TLCD3A: variants seen among roughly 807,000 people sequenced by gnomAD.
The protein encoded by TLCD3A is TLC domain containing 3A.
A neutral mutation model predicts 29.9 loss-of-function variants in TLCD3A; 17 were observed. The observed-to-expected ratio is 0.57, with a 90% CI of 0.39 to 0.85. TLCD3A has a LOEUF of 0.85. Ranked by LOEUF, TLCD3A falls within the 40% of genes least tolerant of loss-of-function variation. The pLI is 0.00. For missense variants in TLCD3A, 332 were observed against 350.8 expected (o/e 0.95, Z 0.43); for synonymous variants, 143 against 147.7 (o/e 0.97, Z 0.23).
chr17:741,922 G>T lies in TLCD3A; in HGVS notation c.*352G>T. The T allele has an allele frequency of 3.0e-6, 1 of 338,550 alleles. No homozygotes were observed. The allele number at this position is 338,550 out of a possible 1,614,324, so 21.0% of individuals were successfully genotyped here. On this transcript the variant is annotated 3_prime_UTR_variant, in exon 5 of 5. Transcript: ENST00000308278. ...AGTGTCTGCACATCTGCCTGTCCCT[G>T]TATCAGCGGCTACCCACCTTCCAAA... is the stretch of plus-strand genomic sequence containing the variant.
intron 2 of TLCD3A, among the ~76,000 whole-genome samples, 199 bp downstream of exon 2, chr17:733,380 C>CG (rs1426527068): frequency 6.6e-6 from 1 of 152,224 alleles, no homozygotes; most frequent in African/African-American, 2.4e-5. Flanking sequence ...ACGACAGAGT[C>CG]GGAGTCTGAT....
intron 2 of TLCD3A, among the ~76,000 whole-genome samples, chr17:734,504 G>A (rs931659589): frequency 6.6e-6 from 1 of 151,306 alleles, no homozygotes; most frequent in African/African-American, 2.4e-5. Context: ...GTAGAGACAG[G>A]GGTCTCCCTG....
chr17:742,407 G>A lies in TLCD3A; in HGVS notation c.*837G>A, dbSNP rs1401650800. 2 of 152,202 alleles carry A rather than the reference G, an allele frequency of 1.3e-5. No homozygotes were observed. The highest frequency in any genetic ancestry group is 2.9e-5 in the Non-Finnish European group (2 of 68,048). 9.4% of individuals were successfully genotyped at this position (152,202 alleles called of 1,614,324 possible). A position where few individuals can be genotyped will look rare whatever the true frequency, so the allele number is the denominator to read the frequency against. On this transcript the variant is annotated 3_prime_UTR_variant, in exon 5 of 5. Transcript: ENST00000308278. ...AAACTACAGGGAAGCGTGAAATGAT[G>A]GCTTTGGTAGCTGTTTACTGGGTAA...
chr17:740,524 G>A lies in TLCD3A; in HGVS notation c.428G>A (p.Gly143Glu), dbSNP rs1974233226. The A allele has an allele frequency of 6.2e-7, 1 of 1,614,120 alleles. No individual in the cohort carries two copies. Among genetic ancestry groups the A allele is most frequent in the Non-Finnish European group, 8.5e-7 (1 of 1,179,994 alleles). Residue 143 changes from glycine to glutamate, a missense_variant, in exon 4 of 5, where the codon GGG (glycine) becomes GAG (glutamate). Gly to Glu is a moderately conservative substitution (Grantham distance 98). Transcript: ENST00000308278. Reference sequence around the variant, plus strand: ...CCGCAGAGGCTCCGGGGAGACCTTGGGGACTTCTTTGTCGGCTGCATCTTC... The same window carrying A: ...CCGCAGAGGCTCCGGGGAGACCTTGAGGACTTCTTTGTCGGCTGCATCTTC... Reference protein sequence around the residue: ...PVAQRLRGDLGDFFVGCIFTA... With the variant: ...PVAQRLRGDLEDFFVGCIFTA...
In TLCD3A at chr17:732,720, C is replaced by A; in HGVS notation, c.73C>A (p.Arg25Ser). ...LFALCTWALR[R>S]SQPGWSRTDC... ...CGCGCTCTGCACCTGGGCGCTGCGC[C>A]GCTCCCAGCCCGGATGGAGCCGCAC... The change falls in exon 1 of 5, where the codon CGC becomes AGC. Residue 25 changes from arginine to serine, a missense_variant. By Grantham distance (110) the Arg-to-Ser change is moderately radical (BLOSUM62 -1). Coordinates refer to ENST00000308278, the MANE Select transcript of TLCD3A (RefSeq NM_024792.3). The A allele has an allele frequency of 1.4e-6, 2 of 1,441,348 alleles. No homozygotes were observed. The highest frequency in any genetic ancestry group is 1.3e-5 in the South Asian group (1 of 74,362). The allele number at this position is 1,441,348 out of a possible 1,614,324, so 89.3% of individuals were successfully genotyped here.
intron 3 of TLCD3A, among the ~76,000 whole-genome samples, chr17:739,468 C>T (rs1045342291): frequency 6.6e-6 from 1 of 152,178 alleles, no homozygotes; most frequent in Non-Finnish European, 1.5e-5. Flanking sequence ...GGATTACAGG[C>T]GTGAGCCACT....
rs556126423 is a variant in TLCD3A at position 736,657 on chromosome 17, T to C, written c.207-1189T>C. 2.0e-5 allele frequency among the ~76,000 whole-genome samples: 3 copies of C among 152,232 alleles called. No homozygotes were observed. In the East Asian group the frequency reaches 5.8e-4, roughly 29 times the overall value. ...TTTCCAGACCTGCTTTTTTTTGTTGTGTTTTGTGTGTTTTTTGAGACGGAG... is the reference window on the plus strand; with the variant it reads ...TTTCCAGACCTGCTTTTTTTTGTTGCGTTTTGTGTGTTTTTTGAGACGGAG... On this transcript the variant is annotated intron_variant, in intron 2 of 4. Transcript: ENST00000308278.
intron 3 of TLCD3A, among the ~76,000 whole-genome samples, chr17:738,849 G>A (rs1001835610): frequency 3.3e-5 from 5 of 152,138 alleles, no homozygotes; most frequent in African/African-American, 9.7e-5. Flanking sequence ...TTACAGGCGC[G>A]AGCCACTGCA....
intron 3 of TLCD3A, 111 bp from the exon 4 acceptor site, chr17:740,394 G>A (rs1447539887): frequency 1.2e-6 from 1 of 801,138 alleles, no homozygotes; most frequent in Non-Finnish European, 2.2e-6. Context: ...CTTGCCTATT[G>A]AGCGTCCTTT....
intron 4 of TLCD3A, 88 bp from the exon 5 acceptor site, chr17:741,213 G>A: frequency 7.3e-7 from 1 of 1,365,628 alleles, no homozygotes; most frequent in Non-Finnish European, 1.0e-6. Flanking sequence ...CACCTGTGTG[G>A]CATTTACTGT....
chr17:740,416 T>A, intron 3 of TLCD3A, 89 bp from the exon 4 acceptor site: 2 of 961,160 alleles, frequency 2.1e-6, no homozygotes, highest in Non-Finnish European at 3.4e-6. Context: ...CCCGTCACAG[T>A]TACCCTTTTC....
At chr17:734,707 TAGA>T (rs550196417) in intron 2 of TLCD3A, among the ~76,000 whole-genome samples, 103 of 152,148 alleles carry the variant, frequency 6.8e-4, no homozygotes, top group Non-Finnish European at 1.3e-3. Context: ...TGCGATTAGA[TAGA>T]AGGAGTTAAA....
intron 3 of TLCD3A, 45 bp downstream of exon 3, chr17:738,092 G>GTTT: frequency 1.3e-5 from 6 of 458,266 alleles, no homozygotes; most frequent in African/African-American, 7.6e-5. Flanking sequence ...GTTGAGCTGG[G>GTTT]TGTCTTTTTT....
chr17:741,130 T>C (rs1974246504), intron 4 of TLCD3A, among the ~76,000 whole-genome samples, 171 bp from the exon 5 acceptor site: 1 of 152,226 alleles, frequency 6.6e-6, no homozygotes, highest in African/African-American at 2.4e-5. Flanking sequence ...GAATGTCTTC[T>C]CCAAGTGTTA....
At chr17:737,338 C>A (rs947612162) in intron 2 of TLCD3A, among the ~76,000 whole-genome samples, 2 of 152,112 alleles carry the variant, frequency 1.3e-5, no homozygotes, top group African/African-American at 4.8e-5. Context: ...AGAAAATGGC[C>A]AGGGTTGCCT....
At chr17:740,854 G>A (rs529822414) in intron 4 of TLCD3A, among the ~76,000 whole-genome samples, 1 of 152,316 alleles carries the variant, frequency 6.6e-6, no homozygotes, top group East Asian at 1.9e-4. Flanking sequence ...GGTGGGTGTG[G>A]AGAAATCCCT....
Position 741,994 on chromosome 17 carries a change from T to A in TLCD3A, c.*424T>A. 1 of 207,704 alleles carries A rather than the reference T, an allele frequency of 4.8e-6. No homozygotes were observed. Among genetic ancestry groups the A allele is most frequent in the Admixed American group, 5.4e-5 (1 of 18,678 alleles). 12.9% of individuals were successfully genotyped at this position (207,704 alleles called of 1,614,324 possible). On this transcript the variant is annotated 3_prime_UTR_variant, in exon 5 of 5. Coordinates refer to ENST00000308278, the MANE Select transcript of TLCD3A (RefSeq NM_024792.3). ...GCACTGGGCCCGCAGAAGCAAGGGA[T>A]GACTTGGTTCTTGGAAGTAATGTCG...
intron 3 of TLCD3A, 49 bp downstream of exon 3, chr17:738,096 C>CTTTTTTTTCT (rs1974190415): frequency 5.4e-6 from 2 of 373,780 alleles, no homozygotes; most frequent in African/African-American, 3.0e-5. Context: ...AGCTGGGTGT[C>CTTTTTTTTCT]TTTTTTTTTT....
At chr17:737,731 C>A (rs944287106) in intron 2 of TLCD3A, 115 bp from the exon 3 acceptor site, 3 of 1,032,794 alleles carry the variant, frequency 2.9e-6, no homozygotes, top group Non-Finnish European at 4.5e-6. Flanking sequence ...GTTTCAACAT[C>A]TTTATTGTAA....
Sources: allele counts gnomAD v4.1 joint callset (sites outside exome capture counted in the v4.1 genomes callset), GRCh38; gene constraint gnomAD v4.1.1; transcripts MANE v1.5; gene names NCBI Gene and HGNC (gene_info 2026-07-23, HGNC 2026-07-21).